The following TMEM185A variants were observed in gnomAD, a reference collection of about 807,000 sequenced individuals.
TMEM185A encodes the protein transmembrane protein 185A.
Under a neutral mutation model 25.0 loss-of-function variants are expected in TMEM185A, and 9 were observed. The observed-to-expected ratio is 0.36, with a 90% confidence interval of 0.22 to 0.63. TMEM185A has a LOEUF of 0.63. Among genes scored for constraint, TMEM185A ranks in the 20% least tolerant of loss-of-function variants. The pLI is 0.68. For synonymous variants in TMEM185A, 45 were observed against 93.5 expected, an observed-to-expected ratio of 0.48 and a Z score of 2.99; for missense variants, 103 against 237.4, an observed-to-expected ratio of 0.43 and a Z score of 3.72.
At chrX:149,612,719 G>A (rs1477579393) in intron 1 of TMEM185A, among the ~76,000 whole-genome samples, 3 of 111,896 alleles carry the variant, frequency 2.7e-5, no homozygotes, top group Non-Finnish European at 5.6e-5. Context: ...GTCTGTTGGT[G>A]GAATGCTTAT....
intron 1 of TMEM185A, among the ~76,000 whole-genome samples, chrX:149,613,174 G>A (rs2090093136): frequency 8.9e-6 from 1 of 112,171 alleles, no homozygotes; most frequent in Non-Finnish European, 1.9e-5. Context: ...ACTGTGAAGG[G>A]ACTTTGCAGA....
At chrX:149,630,366 G>C (rs1557356495) in intron 1 of TMEM185A, among the ~76,000 whole-genome samples, 1 of 104,246 alleles carries the variant, frequency 9.6e-6, no homozygotes. Flanking sequence ...TAGGTCCCCA[G>C]AGTTGGCCCC....
rs781846724 is a variant in TMEM185A at position 149,610,471 on chromosome X, T to C, written c.215+816A>G. Among the ~76,000 whole-genome samples, 33 of 106,208 alleles carry C rather than the reference T, an allele frequency of 3.1e-4. No homozygotes were observed. The South Asian group carries it at 0.013, about 42-fold the overall frequency. 92.2% of individuals were successfully genotyped at this position (106,208 alleles called of 115,157 possible). ...AAAAAAAAAAAAAGGTGCGGTAGTTTCAACTTTACACTTTTCCCACATGAG... is the reference window on the plus strand; with the variant it reads ...AAAAAAAAAAAAAGGTGCGGTAGTTCCAACTTTACACTTTTCCCACATGAG... On this transcript the variant is annotated intron_variant, in intron 2 of 6. Transcript: ENST00000600449.
chrX:149,609,131 T>C (rs959205461), intron 2 of TMEM185A, among the ~76,000 whole-genome samples: 1 of 112,598 alleles, frequency 8.9e-6, no homozygotes, highest in Admixed American at 9.4e-5. Context: ...TCCCTGACAA[T>C]GTACATAAAC....
At chrX:149,608,893 C>G in intron 2 of TMEM185A, 59 bp from the exon 3 acceptor site, 3 of 995,928 alleles carry the variant, frequency 3.0e-6, no homozygotes, top group East Asian at 3.1e-5. Flanking sequence ...TATAAGCAAG[C>G]AGTTCAGGGC....
intron 4 of TMEM185A, among the ~76,000 whole-genome samples, chrX:149,602,481 C>T (rs1168241558): frequency 2.3e-4 from 26 of 112,472 alleles, no homozygotes; most frequent in Admixed American, 2.1e-3. Flanking sequence ...CTTTCTTCCC[C>T]GTTCCCCATT....
chrX:149,620,150 G>A (rs1202498761), intron 1 of TMEM185A, among the ~76,000 whole-genome samples: 2 of 111,770 alleles, frequency 1.8e-5, no homozygotes, highest in African/African-American at 6.5e-5. Flanking sequence ...TATACCCAAA[G>A]GACTATAAAT....
rs1320574132 is a variant in TMEM185A at position 149,598,703 on chromosome X, A to G, written c.809-448T>C. On this transcript the variant is annotated intron_variant, in intron 6 of 6. Coordinates refer to ENST00000600449, the MANE Select transcript of TMEM185A (RefSeq NM_032508.4). ...TTCTCCAGCCAGGATAAACTCATGG[A>G]TGACAGTGCCACCCAAGAACAAGAT... 4.2e-4 allele frequency among the ~76,000 whole-genome samples: 30 copies of G among 71,721 alleles called. 5 individuals are homozygous for G. Among genetic ancestry groups the G allele is most frequent in the African/African-American group, 2.5e-3 (27 of 10,667 alleles). The allele number at this position is 71,721 out of a possible 115,157, so 62.3% of individuals were successfully genotyped here. A position where few individuals can be genotyped will look rare whatever the true frequency, so the allele number is the denominator to read the frequency against.
intron 6 of TMEM185A, among the ~76,000 whole-genome samples, chrX:149,598,789 C>T (rs1394576598): frequency 1.2e-5 from 1 of 81,932 alleles, no homozygotes; most frequent in Non-Finnish European, 2.1e-5. Context: ...CAGGAGGGGG[C>T]CTGAACTCAT....
Position 149,603,974 on chromosome X carries a change from A to G in TMEM185A, c.507+13T>C. On this transcript the variant is annotated intron_variant, in intron 4 of 6. Coordinates refer to ENST00000600449, the MANE Select transcript of TMEM185A (RefSeq NM_032508.4). ...AAAAAGAACTTTATTTAAGGATTTTAAAAGTTACATACAAGCCAGGGCCAG... is the reference window on the plus strand; with the variant it reads ...AAAAAGAACTTTATTTAAGGATTTTGAAAGTTACATACAAGCCAGGGCCAG... 1 of 1,190,054 alleles carries G rather than the reference A, an allele frequency of 8.4e-7. No homozygotes were observed. The highest frequency in any genetic ancestry group is 1.1e-6 in the Non-Finnish European group (1 of 881,192).
intron 3 of TMEM185A, among the ~76,000 whole-genome samples, chrX:149,607,210 GGCTT>G (rs1318125937): frequency 9.9e-5 from 11 of 111,658 alleles, no homozygotes; most frequent in African/African-American, 3.6e-4. Flanking sequence ...CTGGGGTCTA[GGCTT>G]ATATGCCTGA....
chrX:149,612,169 C>T (rs1381254534), intron 1 of TMEM185A, among the ~76,000 whole-genome samples: 1 of 111,904 alleles, frequency 8.9e-6, no homozygotes, highest in African/African-American at 3.3e-5. Context: ...ATATAATTTA[C>T]CTTCCCGCCT....
chrX:149,622,545 G>C (rs2090144287), intron 1 of TMEM185A, among the ~76,000 whole-genome samples: 1 of 112,129 alleles, frequency 8.9e-6, no homozygotes, highest in Admixed American at 9.4e-5. Flanking sequence ...AAACATACTT[G>C]CTTTACATAT....
chrX:149,623,783 C>T (rs1485716004), intron 1 of TMEM185A, among the ~76,000 whole-genome samples: 1 of 111,562 alleles, frequency 9.0e-6, no homozygotes, highest in Non-Finnish European at 1.9e-5. Context: ...AATTAAACTA[C>T]AAAGTTGATC....
At chrX:149,615,017 T>C (rs1408193252) in intron 1 of TMEM185A, among the ~76,000 whole-genome samples, 1 of 111,824 alleles carries the variant, frequency 8.9e-6, no homozygotes, top group Non-Finnish European at 1.9e-5. Flanking sequence ...ATAACAAAAC[T>C]GACAAAGAAA....
chrX:149,623,812 C>T (rs782079936), intron 1 of TMEM185A, among the ~76,000 whole-genome samples: 1 of 111,799 alleles, frequency 8.9e-6, no homozygotes, highest in East Asian at 2.8e-4. Context: ...CAAAGTAATA[C>T]AATCAGTAAG....
intron 1 of TMEM185A, among the ~76,000 whole-genome samples, chrX:149,630,813 C>A (rs1267058783): frequency 9.0e-6 from 1 of 111,555 alleles, no homozygotes. Flanking sequence ...AACAGTCGGG[C>A]AAGTGCAAGG....
In TMEM185A at chrX:149,607,495, T is replaced by A. The variant is rs373320101; in HGVS notation, c.423+1132A>T. Among the ~76,000 whole-genome samples, 49 of 112,812 alleles carry A rather than the reference T, an allele frequency of 4.3e-4. 1 individual carries two copies. Among genetic ancestry groups the A allele is most frequent in the Middle Eastern group, 9.1e-3 (2 of 219 alleles). On this transcript the variant is annotated intron_variant, in intron 3 of 6. Coordinates refer to ENST00000600449, the MANE Select transcript of TMEM185A (RefSeq NM_032508.4). ...TCTTCTCTGGACCTACCTCACAGAG[T>A]TAGTTAGTAAGAAAACTACCACATG...
chrX:149,613,067 T>C (rs1332194919), intron 1 of TMEM185A, among the ~76,000 whole-genome samples: 1 of 111,997 alleles, frequency 8.9e-6, no homozygotes, highest in Non-Finnish European at 1.9e-5. Flanking sequence ...CTCTCCCTAT[T>C]TTAAGGTCCA....
Sources: gnomAD v4.1 joint callset for allele counts (sites outside exome capture counted in the v4.1 genomes callset) on GRCh38, gnomAD v4.1.1 for gene constraint, MANE v1.5 for transcripts, NCBI Gene and HGNC (gene_info 2026-07-23, HGNC 2026-07-21) for gene names.